Variants in HK1 observed in about 807,000 individuals in gnomAD.
The protein encoded by HK1 is hexokinase 1, also known as hexokinase-1.
A neutral mutation model predicts 91.6 loss-of-function variants in HK1; 28 were observed. The ratio of observed to expected loss-of-function variants is 0.31; its 90% confidence interval spans 0.23 to 0.42. The LOEUF is 0.42. HK1 is among the 10% of genes least tolerant of loss of function. HK1 has a pLI of 1.00. For missense variants in HK1, 770 were observed against 1,219.8 expected, an observed-to-expected ratio of 0.63 and a Z score of 5.49; for synonymous variants, 430 against 468.1, an observed-to-expected ratio of 0.92 and a Z score of 1.05.
intron 4 of HK1, among the ~76,000 whole-genome samples, chr10:69,367,239 G>A (rs771017658): frequency 5.9e-5 from 9 of 152,162 alleles, no homozygotes; most frequent in Non-Finnish European, 8.8e-5. Flanking sequence ...GCTGGGCCAG[G>A]GTACTTGCTG....
intron 7 of HK1, among the ~76,000 whole-genome samples, chr10:69,370,826 T>C (rs2132822866): frequency 6.6e-6 from 1 of 152,278 alleles, no homozygotes; most frequent in East Asian, 1.9e-4. Context: ...AAGAGTGATA[T>C]TATTCAGGTT....
chr10:69,281,665 A>C (rs1323800438), intron 1 of HK1, among the ~76,000 whole-genome samples: 4 of 152,216 alleles, frequency 2.6e-5, no homozygotes, highest in Non-Finnish European at 5.9e-5. Flanking sequence ...TTTCCTCCAG[A>C]GAATGTAAGC....
At chr10:69,334,568 G>C (rs1847885185) in intron 1 of HK1, among the ~76,000 whole-genome samples, 3 of 152,142 alleles carry the variant, frequency 2.0e-5, no homozygotes, top group Non-Finnish European at 4.4e-5. Context: ...AAGTCTCCGG[G>C]CCTTATCTGA....
intron 2 of HK1, among the ~76,000 whole-genome samples, chr10:69,345,029 A>G (rs777673549): frequency 6.6e-6 from 1 of 152,040 alleles, no homozygotes; most frequent in Non-Finnish European, 1.5e-5. Flanking sequence ...TCTTGTATGC[A>G]GCCTGCAAAA....
chr10:69,277,366 GAGACC>G (rs1425935404), intron 1 of HK1, among the ~76,000 whole-genome samples: 1 of 152,082 alleles, frequency 6.6e-6, no homozygotes, highest in Non-Finnish European at 1.5e-5. Flanking sequence ...CCAGGAGCTC[GAGACC>G]AGCCTGGGCA....
chr10:69,300,009 C>T (rs552550167), intron 4 of HK1, among the ~76,000 whole-genome samples: 7 of 150,604 alleles, frequency 4.6e-5, no homozygotes, highest in South Asian at 2.1e-4. Flanking sequence ...CATGTTGCCC[C>T]GGCTGGTCTT....
intron 1 of HK1, among the ~76,000 whole-genome samples, chr10:69,282,348 C>A (rs554450955): frequency 6.6e-6 from 1 of 152,314 alleles, no homozygotes; most frequent in South Asian, 2.1e-4. Flanking sequence ...AACTTCATAA[C>A]CATGAAGCAC....
At position 69,276,118 on chromosome 10, in the gene HK1, A is replaced by AAAAAAATATAT; in HGVS notation, c.-391+6011_-391+6012insAAAAATATATA. Among the ~76,000 whole-genome samples, 52 of 38,260 alleles carry AAAAAAATATAT rather than the reference A, an allele frequency of 1.4e-3. 5 individuals carry two copies. Among genetic ancestry groups the AAAAAAATATAT allele is most frequent in the South Asian group, 3.1e-3 (2 of 644 alleles). The allele number at this position is 38,260 out of a possible 152,430, so 25.1% of individuals were successfully genotyped here. On this transcript the variant is annotated intron_variant, in intron 1 of 21. Transcript: ENST00000360289. ...AAAAAAAAAAAAAAAAAAAAAAAAA[A>AAAAAAATATAT]ATACATATATATATATATATACACA...
upstream of HK1, among the ~76,000 whole-genome samples, chr10:69,315,147 C>T (rs1432500800): frequency 1.3e-5 from 2 of 152,348 alleles, no homozygotes; most frequent in Non-Finnish European, 2.9e-5. Context: ...GCCCTTCTAA[C>T]CTCACCAGGC....
At chr10:69,289,182 C>G (rs1845165653) in intron 3 of HK1, among the ~76,000 whole-genome samples, 1 of 152,120 alleles carries the variant, frequency 6.6e-6, no homozygotes, top group Admixed American at 6.5e-5. Flanking sequence ...AAACTCTGAC[C>G]AAGAGCACAG....
intron 2 of HK1, among the ~76,000 whole-genome samples, chr10:69,352,045 T>C (rs1589526882): frequency 6.6e-6 from 1 of 151,526 alleles, no homozygotes; most frequent in Non-Finnish European, 1.5e-5. Context: ...CAGGCTGGAG[T>C]GCAGTGGCAT....
At chr10:69,270,576 T>A (rs1191292142) in intron 1 of HK1, among the ~76,000 whole-genome samples, 1 of 151,314 alleles carries the variant, frequency 6.6e-6, no homozygotes, top group East Asian at 1.9e-4. Context: ...AGCGAGTCTG[T>A]CTAAAAAAGA....
At chr10:69,275,842 C>G (rs1401914929) in intron 1 of HK1, among the ~76,000 whole-genome samples, 2 of 151,744 alleles carry the variant, frequency 1.3e-5, no homozygotes, top group East Asian at 3.9e-4. Context: ...GTAATCCCAG[C>G]ACTTTGGGAG....
intron 3 of HK1, among the ~76,000 whole-genome samples, chr10:69,289,543 C>T (rs561388856): frequency 1.4e-5 from 2 of 140,888 alleles, no homozygotes; most frequent in Admixed American, 1.5e-4. Context: ...ATGATCTCGG[C>T]TCACTGTAAC....
At chr10:69,297,046 C>A (rs1390824881) in intron 4 of HK1, among the ~76,000 whole-genome samples, 1 of 152,116 alleles carries the variant, frequency 6.6e-6, no homozygotes, top group East Asian at 1.9e-4. Flanking sequence ...CTGACCACCC[C>A]CACATCATGC....
chr10:69,381,549 T>A (rs950662968), intron 9 of HK1, among the ~76,000 whole-genome samples: 4 of 148,548 alleles, frequency 2.7e-5, no homozygotes, highest in Non-Finnish European at 6.0e-5. Context: ...TCTTAACCTT[T>A]TTTTTTTTTT....
chr10:69,338,588 A>G (rs1213359721), intron 1 of HK1: 6 of 1,289,284 alleles, frequency 4.7e-6, no homozygotes, highest in Middle Eastern at 2.2e-4. Context: ...GTGGGGAGGG[A>G]TTCTTCGGGC....
At chr10:69,280,311 G>A (rs1844676717) in intron 1 of HK1, among the ~76,000 whole-genome samples, 1 of 152,116 alleles carries the variant, frequency 6.6e-6, no homozygotes, top group African/African-American at 2.4e-5. Flanking sequence ...TAGAGACAGG[G>A]TTTCACTGTG....
In HK1 at chr10:69,369,384, G is replaced by A; in HGVS notation, c.691+48G>A. 1 of 1,613,710 alleles carries A rather than the reference G, an allele frequency of 6.2e-7. No individual in the cohort carries two copies. Among genetic ancestry groups the A allele is most frequent in the Non-Finnish European group, 8.5e-7 (1 of 1,179,572 alleles). ...TCCATTTGTTCGGCCCATCTTTCCA[G>A]GTGGCTCTGCACCCTCCCCGTTGTG... On this transcript the variant is annotated intron_variant, in intron 6 of 17. Transcript: ENST00000359426. This position sits in a 1 kb window ranked among gnomAD's most constrained non-coding sequence, Gnocchi z 4.4.
Sources: allele counts gnomAD v4.1 joint callset (sites outside exome capture counted in the v4.1 genomes callset), GRCh38; gene constraint gnomAD v4.1.1; non-coding constraint Gnocchi (gnomAD v3.1); transcripts MANE v1.5; gene names NCBI Gene and HGNC (gene_info 2026-07-23, HGNC 2026-07-21).